GRK5: variants seen among roughly 807,000 people sequenced by gnomAD.
GRK5 encodes the protein g protein-coupled receptor kinase GRK5.
In GRK5, 40 loss-of-function variants were observed where a neutral mutation model predicts 78.4. That is an observed-to-expected ratio of 0.51 (90% confidence interval 0.40 to 0.66). The LOEUF is 0.66. Among genes scored for constraint, GRK5 ranks in the 30% least tolerant of loss-of-function variants. The pLI, the probability that GRK5 is intolerant of heterozygous loss-of-function variation, is 0.00. For missense variants in GRK5, 598 were observed against 759.9 expected (o/e 0.79, Z 2.50); for synonymous variants, 289 against 296.8 (o/e 0.97, Z 0.27).
intron 2 of GRK5, among the ~76,000 whole-genome samples, chr10:119,350,043 C>T (rs1040131594): frequency 6.6e-6 from 1 of 152,356 alleles, no homozygotes; most frequent in South Asian, 2.1e-4. Flanking sequence ...GCCTGAGCCA[C>T]GACAGCTTAA....
chr10:119,258,915 C>T (rs58592352), intron 1 of GRK5, among the ~76,000 whole-genome samples: 1 of 152,204 alleles, frequency 6.6e-6, no homozygotes, highest in South Asian at 2.1e-4. Context: ...CTGCCCCCTT[C>T]TCAGGAGAGC....
At chr10:119,428,479 T>A (rs527904577) in intron 6 of GRK5, among the ~76,000 whole-genome samples, 1 of 152,298 alleles carries the variant, frequency 6.6e-6, no homozygotes, top group Non-Finnish European at 1.5e-5. Context: ...CAAAGAGCCC[T>A]CCACTGGATG....
chr10:119,345,649 C>T (rs1389824373), intron 2 of GRK5, among the ~76,000 whole-genome samples: 1 of 152,172 alleles, frequency 6.6e-6, no homozygotes, highest in Non-Finnish European at 1.5e-5. Context: ...AAACTTGACA[C>T]TCCTAGCAGA....
At chr10:119,236,027 G>T (rs925245739) in intron 1 of GRK5, among the ~76,000 whole-genome samples, 2 of 152,134 alleles carry the variant, frequency 1.3e-5, no homozygotes, top group Admixed American at 6.6e-5. Flanking sequence ...TTAGACCGTG[G>T]CTGCTGCTGC....
intron 1 of GRK5, among the ~76,000 whole-genome samples, chr10:119,275,082 T>G (rs1209198147): frequency 6.6e-6 from 1 of 152,228 alleles, no homozygotes; most frequent in East Asian, 1.9e-4. Flanking sequence ...ATTGAGAGCA[T>G]GCAGGCCCAG....
chr10:119,247,101 A>G (rs75493235), intron 1 of GRK5, among the ~76,000 whole-genome samples: 3,225 of 152,306 alleles, frequency 0.021, 58 homozygotes, highest in Admixed American at 0.054. Context: ...GGAGCTCGGC[A>G]TCTGAGTGAC....
At chr10:119,326,639 G>A (rs1367731754) in intron 2 of GRK5, 28 bp downstream of exon 2, 23 of 1,540,924 alleles carry the variant, frequency 1.5e-5, no homozygotes, top group African/African-American at 5.5e-5. Flanking sequence ...GGGGCTGTGC[G>A]GGGAGTGAGT....
chr10:119,387,954 A>ATTT (rs11413275), intron 3 of GRK5, among the ~76,000 whole-genome samples: 1 of 150,270 alleles, frequency 6.7e-6, no homozygotes, highest in Non-Finnish European at 1.5e-5. Flanking sequence ...AATAAAGAAG[A>ATTT]TTTTTTTTTT....
chr10:119,248,046 C>T (rs2133749647), intron 1 of GRK5, among the ~76,000 whole-genome samples: 1 of 152,264 alleles, frequency 6.6e-6, no homozygotes, highest in African/African-American at 2.4e-5. Flanking sequence ...TCTTTTGAGA[C>T]AGGGTCTCAG....
intron 1 of GRK5, among the ~76,000 whole-genome samples, chr10:119,277,649 A>C (rs1354909205): frequency 6.6e-6 from 1 of 151,832 alleles, no homozygotes; most frequent in Non-Finnish European, 1.5e-5. Context: ...ACCCGTGTGA[A>C]TCTACATACC....
At chr10:119,440,342 C>T (rs929005447) in intron 10 of GRK5, among the ~76,000 whole-genome samples, 1 of 152,032 alleles carries the variant, frequency 6.6e-6, no homozygotes, top group Non-Finnish European at 1.5e-5. Flanking sequence ...CAGTACCCCT[C>T]ACAGCTGTTT....
At chr10:119,228,447 T>TA (rs3064441) in intron 1 of GRK5, among the ~76,000 whole-genome samples, 8 of 140,078 alleles carry the variant, frequency 5.7e-5, no homozygotes, top group African/African-American at 1.5e-4. Context: ...ACCCAATCTC[T>TA]AAAAAAAAAA....
intron 1 of GRK5, among the ~76,000 whole-genome samples, chr10:119,291,932 T>TTTCCTCCTCCTCTTTTTCCTCCTTCTC (rs1849973176): frequency 2.2e-5 from 2 of 89,406 alleles, no homozygotes; most frequent in Admixed American, 1.1e-4. Flanking sequence ...TCCTCCTTCT[T>TTTCCTCCTCCTCTTTTTCCTCCTTCTC]TTCCTCCTCT....
chr10:119,282,358 G>A (rs1849776166), intron 1 of GRK5, among the ~76,000 whole-genome samples: 1 of 152,166 alleles, frequency 6.6e-6, no homozygotes, highest in East Asian at 1.9e-4. Context: ...TCTCTTGCTG[G>A]GATGGGAGAC....
intron 1 of GRK5, among the ~76,000 whole-genome samples, chr10:119,278,904 G>T (rs1256871642): frequency 6.6e-6 from 1 of 152,134 alleles, no homozygotes; most frequent in Non-Finnish European, 1.5e-5. Context: ...TCAAGACGGA[G>T]TCTCGCTCTG....
At chr10:119,233,129 G>C (rs1848858472) in intron 1 of GRK5, among the ~76,000 whole-genome samples, 1 of 152,198 alleles carries the variant, frequency 6.6e-6, no homozygotes, top group African/African-American at 2.4e-5. Flanking sequence ...CCAGAGGCAA[G>C]CACCTGGCAG....
At chr10:119,232,604 C>G (rs532121105) in intron 1 of GRK5, among the ~76,000 whole-genome samples, 2 of 152,204 alleles carry the variant, frequency 1.3e-5, no homozygotes, top group Admixed American at 6.5e-5. Context: ...ATGCTGTTCT[C>G]GTGATAGTAA....
At chr10:119,344,532 A>T (rs1589755744) in intron 2 of GRK5, among the ~76,000 whole-genome samples, 1 of 152,324 alleles carries the variant, frequency 6.6e-6, no homozygotes, top group South Asian at 2.1e-4. Context: ...CCAAGCCGGC[A>T]GCTGTTCCCG....
chr10:119,363,868 T>A (rs1851403202), intron 2 of GRK5, among the ~76,000 whole-genome samples: 1 of 152,300 alleles, frequency 6.6e-6, no homozygotes, highest in Admixed American at 6.5e-5. Flanking sequence ...AAATGGGAGA[T>A]CTATTACTAT....
Sources: allele counts gnomAD v4.1 joint callset (sites outside exome capture counted in the v4.1 genomes callset), GRCh38; gene constraint gnomAD v4.1.1; transcripts MANE v1.5; gene names NCBI Gene and HGNC (gene_info 2026-07-23, HGNC 2026-07-21).